Variants in SPATA2 observed in about 807,000 individuals in gnomAD.
SPATA2 encodes spermatogenesis-associated protein 2.
In SPATA2, 8 loss-of-function variants were observed where a neutral mutation model predicts 35.4. That is an observed-to-expected ratio of 0.23 (90% confidence interval 0.13 to 0.41). The LOEUF (loss-of-function observed/expected upper bound fraction) is 0.41. Ranked by LOEUF, SPATA2 falls within the 10% of genes least tolerant of loss-of-function variation. The pLI, the probability that SPATA2 is intolerant of heterozygous loss-of-function variation, is 1.00. For synonymous variants in SPATA2, 293 were observed against 300.9 expected, an observed-to-expected ratio of 0.97 and a Z score of 0.27; for missense variants, 650 against 698.7, an observed-to-expected ratio of 0.93 and a Z score of 0.79.
In SPATA2 at chr20:49,906,927, C is replaced by A; in HGVS notation, c.337-82G>T. 2.0e-6 allele frequency: 3 copies of A among 1,487,130 alleles called. No individual in the cohort carries two copies. Among genetic ancestry groups the A allele is most frequent in the South Asian group, 1.3e-5 (1 of 75,380 alleles). 92.1% of individuals were successfully genotyped at this position (1,487,130 alleles called of 1,614,324 possible). A position where few individuals can be genotyped will look rare whatever the true frequency, so the allele number is the denominator to read the frequency against. ...GAGACTATGTCAAAGCAAAGGATGT[C>A]CAGCTCTGAAGTGGGGCGGCGGGGA... On this transcript the variant is annotated intron_variant, in intron 2 of 2. Coordinates refer to ENST00000289431, the MANE Select transcript of SPATA2 (RefSeq NM_006038.4). The surrounding 1 kb of genome is among the most constrained non-coding windows in gnomAD (Gnocchi z 8.2).
At position 49,906,788 on chromosome 20, in the gene SPATA2, G is replaced by A; in HGVS notation, c.394C>T (p.Arg132Ter). The A allele has an allele frequency of 6.2e-7, 1 of 1,613,736 alleles. No homozygotes were observed. Among genetic ancestry groups the A allele is most frequent in the Non-Finnish European group, 8.5e-7 (1 of 1,179,666 alleles). The change falls in exon 3 of 3, where the codon CGA becomes TGA. Residue 132 changes from arginine (R) to a stop codon, truncating the protein, a stop_gained. Transcript: ENST00000289431. LOFTEE classifies it high-confidence loss of function. The surrounding 1 kb of genome is among the most constrained non-coding windows in gnomAD (Gnocchi z 8.2). Reference protein sequence around the residue: ...VKSTLLEEDIRAILSCMGYTP... With the variant: ...VKSTLLEEDI The stretch of plus-strand genomic sequence containing the variant: ...TAGCCCATGCAGCTCAGGATGGCTC[G>A]GATGTCCTCTTCCAGTAATGTCGAC...
intron 1 of SPATA2, 47 bp from the exon 2 acceptor site, chr20:49,908,639 G>A (rs540676642): frequency 1.7e-5 from 12 of 698,140 alleles, no homozygotes; most frequent in Non-Finnish European, 2.1e-5. Context: ...ATACGGTCGC[G>A]CTTCGGCTTC....
chr20:49,905,818 G>C lies in SPATA2; in HGVS notation c.1364C>G (p.Thr455Arg), dbSNP rs144537249. 15 of 1,614,218 alleles carry C rather than the reference G, an allele frequency of 9.3e-6. No individual in the cohort carries two copies. Among genetic ancestry groups the C allele is most frequent in the Non-Finnish European group, 1.3e-5 (15 of 1,180,024 alleles). ...GCAGAAGCCACAGCGGGAAGTGGGC[G>C]TGGTGGAGGGCTTGGATTTGGAGTG... ...HLHSKSKPSTTPTSRCGFCNR... is the reference protein window; with the variant it reads ...HLHSKSKPSTRPTSRCGFCNR... The change falls in exon 3 of 3, where the codon ACG (threonine) becomes AGG (arginine). Residue 455 changes from threonine to arginine, a missense_variant. Physicochemically the swap from Thr to Arg is moderately conservative, Grantham distance 71 (BLOSUM62 -1). Coordinates refer to ENST00000289431, the MANE Select transcript of SPATA2 (RefSeq NM_006038.4).
rs1405129259 is a variant in SPATA2 at position 49,903,942 on chromosome 20, T to C, written c.*1677A>G. 1.4e-5 allele frequency: 1 copy of C among 74,026 alleles called. No individual in the cohort carries two copies. Among genetic ancestry groups the C allele is most frequent in the Non-Finnish European group, 2.7e-5 (1 of 36,908 alleles). The allele number at this position is 74,026 out of a possible 1,614,324, so 4.6% of individuals were successfully genotyped here. A position where few individuals can be genotyped will look rare whatever the true frequency, so the allele number is the denominator to read the frequency against. ...ATATATATATATATATATATATATATATATATATATTAAAAAGAGAGCCAT... is the reference window on the plus strand; with the variant it reads ...ATATATATATATATATATATATATACATATATATATTAAAAAGAGAGCCAT... On this transcript the variant is annotated 3_prime_UTR_variant, in exon 3 of 3. Coordinates refer to ENST00000289431, the MANE Select transcript of SPATA2 (RefSeq NM_006038.4).
rs1276205195 is a variant in SPATA2, at chr20:49,904,132, AAC to A, written c.*1485_*1486del. 1.3e-5 allele frequency: 2 copies of A among 152,396 alleles called. No individual in the cohort carries two copies. 9.4% of individuals were successfully genotyped at this position (152,396 alleles called of 1,614,324 possible). ...ATCCCTTAACATTGTGTACATCACA[AAC>A]AGTTATGGCTAAAATATAGTTAGTT... On this transcript the variant is annotated 3_prime_UTR_variant, in exon 3 of 3. Transcript: ENST00000289431.
intron 2 of SPATA2, 89 bp downstream of exon 2, chr20:49,908,066 G>T: frequency 7.8e-7 from 1 of 1,274,246 alleles, no homozygotes. Flanking sequence ...AGGATGGATG[G>T]GATCAGACTG....
Position 49,915,443 on chromosome 20 carries a change from G to A in SPATA2, c.-166C>T, listed in dbSNP as rs1438761767. Reference sequence around the variant, plus strand: ...CAAGCGAGAGGCGCGGCTGCCGCCGGAGCCGGGCCCCGTCGGGCTCTAGCC... The same window carrying A: ...CAAGCGAGAGGCGCGGCTGCCGCCGAAGCCGGGCCCCGTCGGGCTCTAGCC... On this transcript the variant is annotated 5_prime_UTR_variant, in exon 1 of 3. Transcript: ENST00000289431. The A allele has an allele frequency of 6.6e-6, 1 of 152,212 alleles. No individual in the cohort carries two copies. The highest frequency in any genetic ancestry group is 1.5e-5 in the Non-Finnish European group (1 of 68,060). 9.4% of individuals were successfully genotyped at this position (152,212 alleles called of 1,614,324 possible). A position where few individuals can be genotyped will look rare whatever the true frequency, so the allele number is the denominator to read the frequency against.
chr20:49,909,803 C>T (rs1955727007), intron 1 of SPATA2, among the ~76,000 whole-genome samples: 1 of 152,184 alleles, frequency 6.6e-6, no homozygotes, highest in African/African-American at 2.4e-5. Context: ...CGCAAGAGCA[C>T]ATTCAGAATT....
At chr20:49,914,249 G>C (rs931010023) in intron 1 of SPATA2, among the ~76,000 whole-genome samples, 8 of 152,068 alleles carry the variant, frequency 5.3e-5, no homozygotes, top group Non-Finnish European at 1.0e-4. Flanking sequence ...TAAGAGGAAA[G>C]CTGTATCTGT....
Position 49,912,275 on chromosome 20 carries a change from G to C in SPATA2, c.-103+3105C>G, listed in dbSNP as rs561281957. ...TTGAGACTAGCCTGGCCAACATAGC[G>C]AAACCCCGCCTCTACTAAAAATACA... On this transcript the variant is annotated intron_variant, in intron 1 of 2. Coordinates refer to ENST00000289431, the MANE Select transcript of SPATA2 (RefSeq NM_006038.4). 2.6e-5 allele frequency among the ~76,000 whole-genome samples: 4 copies of C among 152,116 alleles called. No individual in the cohort carries two copies. In the East Asian group the frequency reaches 7.7e-4, roughly 29 times the overall value.
chr20:49,905,640 G>C lies in SPATA2; in HGVS notation c.1542C>G (p.Leu514=). Residue 514 remains leucine (L), a synonymous_variant, in exon 3 of 3, where the codon CTC becomes CTG. Transcript: ENST00000289431. The part of the protein sequence containing the change: ...NNQLNYKSTQ[L]SHLVYR ...CGGTCTATCTGTACACGAGATGGGA[G>C]AGCTGGGTGGACTTGTAGTTCAGCT... The C allele has an allele frequency of 6.2e-7, 1 of 1,614,256 alleles. No homozygotes were observed. Among genetic ancestry groups the C allele is most frequent in the Non-Finnish European group, 8.5e-7 (1 of 1,180,046 alleles).
intron 2 of SPATA2, among the ~76,000 whole-genome samples, chr20:49,907,084 G>A (rs942613370): frequency 3.9e-5 from 6 of 152,254 alleles, no homozygotes; most frequent in East Asian, 3.9e-4. Flanking sequence ...TGTTTGAGAC[G>A]GAGTCTCGCT....
In SPATA2 at chr20:49,905,958, G is replaced by C. The variant is rs751639185; in HGVS notation, c.1224C>G (p.Ser408=). The C allele has an allele frequency of 9.3e-6, 15 of 1,609,334 alleles. No individual in the cohort carries two copies. The highest frequency in any genetic ancestry group is 1.3e-5 in the Non-Finnish European group (15 of 1,179,884). ...CDSLLTCPPA[S]KPSAFPSKAS... ...CCTTGCTGGGGAAGGCGCTGGGCTT[G>C]GAAGCTGGAGGACAGGTGAGCAGGC... The change falls in exon 3 of 3, where the codon TCC becomes TCG. Residue 408 remains serine, a synonymous_variant. Coordinates refer to ENST00000289431, the MANE Select transcript of SPATA2 (RefSeq NM_006038.4).
At chr20:49,907,990 G>A (rs1238181652) in intron 2 of SPATA2, among the ~76,000 whole-genome samples, 165 bp downstream of exon 2, 1 of 152,248 alleles carries the variant, frequency 6.6e-6, no homozygotes, top group Non-Finnish European at 1.5e-5. Context: ...AGCCGGGCCA[G>A]AAACGGTTCA....
rs1380747515 is a variant in SPATA2, at chr20:49,903,898, G to GATATATATATATAT, written c.*1720_*1721insATATATATATATAT. ...CTGTACATCTACATGTGATCTACCA[G>GATATATATATATAT]ATAGATATATATATATATATATATA... On this transcript the variant is annotated 3_prime_UTR_variant, in exon 3 of 3. Transcript: ENST00000289431. The GATATATATATATAT allele has an allele frequency of 5.8e-5, 5 of 86,132 alleles. No homozygotes were observed. Among genetic ancestry groups the GATATATATATATAT allele is most frequent in the East Asian group, 3.1e-4 (1 of 3,262 alleles). 5.3% of individuals were successfully genotyped at this position (86,132 alleles called of 1,614,324 possible). A position where few individuals can be genotyped will look rare whatever the true frequency, so the allele number is the denominator to read the frequency against.
rs749155205 is a variant in SPATA2 at position 49,906,687 on chromosome 20, C to T, written c.495G>A (p.Glu165=). 6.2e-7 allele frequency: 1 copy of T among 1,614,238 alleles called. No individual in the cohort carries two copies. The highest frequency in any genetic ancestry group is 8.5e-7 in the Non-Finnish European group (1 of 1,180,058). The change falls in exon 3 of 3, where the codon GAG becomes GAA. Residue 165 remains glutamate (E), a synonymous_variant. Transcript: ENST00000289431. This position sits in a 1 kb window ranked among gnomAD's most constrained non-coding sequence, Gnocchi z 8.2. ...CACACTCGACTTTGGCCAGAAAGAG[C>T]TCAAAGGAGACCATCTTCACCTGGA... is the stretch of plus-strand genomic sequence containing the variant. ...ETLQVKMVSF[E]LFLAKVECEQ... is the part of the protein sequence containing the mutation.
Position 49,904,277 on chromosome 20 carries a change from A to G in SPATA2, c.*1342T>C, listed in dbSNP as rs1407932216. ...AGCTGAAGGGGCCTTCAGGCTTGGA[A>G]GCGCTTAGGCTTAGCTGAGCATCTG... On this transcript the variant is annotated 3_prime_UTR_variant, in exon 3 of 3. Transcript: ENST00000289431. The G allele has an allele frequency of 6.6e-6, 1 of 152,412 alleles. No homozygotes were observed. The highest frequency in any genetic ancestry group is 1.9e-4 in the East Asian group (1 of 5,184). 9.4% of individuals were successfully genotyped at this position (152,412 alleles called of 1,614,324 possible). A position where few individuals can be genotyped will look rare whatever the true frequency, so the allele number is the denominator to read the frequency against.
Position 49,906,146 on chromosome 20 carries a change from T to C in SPATA2, c.1036A>G (p.Thr346Ala), listed in dbSNP as rs780024825. The part of the protein sequence containing the change: ...DLYTDSEPRA[T>A]YRRQDALRPD... Reference sequence around the variant, plus strand: ...CGCAGAGCATCCTGCCGACGGTAGGTGGCCCTGGGTTCAGAGTCTGTGTAC... The same window carrying C: ...CGCAGAGCATCCTGCCGACGGTAGGCGGCCCTGGGTTCAGAGTCTGTGTAC... Residue 346 changes from threonine (T) to alanine (A), a missense_variant, in exon 3 of 3, where the codon ACC becomes GCC. Coordinates refer to ENST00000289431, the MANE Select transcript of SPATA2 (RefSeq NM_006038.4). The surrounding 1 kb of genome is among the most constrained non-coding windows in gnomAD (Gnocchi z 8.2). 1.2e-6 allele frequency: 2 copies of C among 1,608,652 alleles called. No homozygotes were observed. Among genetic ancestry groups the C allele is most frequent in the Non-Finnish European group, 1.7e-6 (2 of 1,177,070 alleles).
chr20:49,906,858 G>T lies in SPATA2; in HGVS notation c.337-13C>A, dbSNP rs773845654. The T allele has an allele frequency of 4.4e-6, 7 of 1,585,888 alleles. No individual in the cohort carries two copies. The highest frequency in any genetic ancestry group is 8.6e-7 in the Non-Finnish European group (1 of 1,164,130). On this transcript the variant is annotated splice_polypyrimidine_tract_variant and intron_variant, in intron 2 of 2. Coordinates refer to ENST00000289431, the MANE Select transcript of SPATA2 (RefSeq NM_006038.4). This position sits in a 1 kb window ranked among gnomAD's most constrained non-coding sequence, Gnocchi z 8.2. Reference sequence around the variant, plus strand: ...GGCCCGTGTAGGTCTAGAAGGGAGGGAGTAGAAAAGAAAGGTGGGGTTTTC... The same window carrying T: ...GGCCCGTGTAGGTCTAGAAGGGAGGTAGTAGAAAAGAAAGGTGGGGTTTTC...
Sources: allele counts gnomAD v4.1 joint callset (sites outside exome capture counted in the v4.1 genomes callset), GRCh38; gene constraint gnomAD v4.1.1; non-coding constraint Gnocchi (gnomAD v3.1); transcripts MANE v1.5; gene names NCBI Gene and HGNC (gene_info 2026-07-23, HGNC 2026-07-21).